SMC3: variants seen among roughly 807,000 people sequenced by gnomAD.
The protein encoded by SMC3 is structural maintenance of chromosomes 3.
A neutral mutation model predicts 171.8 loss-of-function variants in SMC3; 20 were observed. The observed-to-expected ratio is 0.12, with a 90% CI of 0.08 to 0.17. The LOEUF (loss-of-function observed/expected upper bound fraction) is 0.17. SMC3 is among the 10% of genes least tolerant of loss of function. The pLI is 1.00. For synonymous variants in SMC3, 464 were observed against 451.1 expected, an observed-to-expected ratio of 1.03 and a Z score of -0.36; for missense variants, 543 against 1,420.4, an observed-to-expected ratio of 0.38 and a Z score of 9.93.
intron 13 of SMC3, among the ~76,000 whole-genome samples, chr10:110,585,928 G>A (rs1185461143): frequency 6.6e-6 from 1 of 152,016 alleles, no homozygotes; most frequent in African/African-American, 2.4e-5. Flanking sequence ...CTCCCAAGTA[G>A]CTGGGACCAC....
chr10:110,593,529 G>A (rs1436132584), intron 18 of SMC3, among the ~76,000 whole-genome samples: 1 of 150,724 alleles, frequency 6.6e-6, no homozygotes, highest in Non-Finnish European at 1.5e-5. Flanking sequence ...CCGAGATCAC[G>A]CCACTGCACT....
intron 18 of SMC3, among the ~76,000 whole-genome samples, chr10:110,593,580 A>G (rs376244574): frequency 2.6e-5 from 4 of 150,966 alleles, no homozygotes; most frequent in South Asian, 2.1e-4. Context: ...TCAAAAAACA[A>G]AGAGACATAT....
intron 20 of SMC3, 148 bp from the exon 21 acceptor site, chr10:110,599,504 TAG>T (rs1325477575): frequency 6.3e-6 from 4 of 635,512 alleles, no homozygotes; most frequent in Admixed American, 6.0e-5. Flanking sequence ...TTCTTGTTGC[TAG>T]AGTCCTAATT....
At chr10:110,578,239 A>G (rs1303601872) in intron 6 of SMC3, among the ~76,000 whole-genome samples, 1 of 151,870 alleles carries the variant, frequency 6.6e-6, no homozygotes, top group African/African-American at 2.4e-5. Context: ...ACACCCGGCT[A>G]CTTTTTGTAT....
chr10:110,584,533 G>T (rs745463076), intron 13 of SMC3, 137 bp downstream of exon 13: 2 of 649,748 alleles, frequency 3.1e-6, no homozygotes, highest in Non-Finnish European at 5.4e-6. Flanking sequence ...ATTTAGAAAA[G>T]GCCTGCACAG....
intron 18 of SMC3, among the ~76,000 whole-genome samples, chr10:110,593,473 G>A (rs562931399): frequency 1.3e-5 from 2 of 152,106 alleles, no homozygotes; most frequent in African/African-American, 4.8e-5. Flanking sequence ...TCAGGAGGCT[G>A]GGGCAGGAGA....
intron 22 of SMC3, among the ~76,000 whole-genome samples, 186 bp from the exon 23 acceptor site, chr10:110,600,836 T>A (rs555577485): frequency 6.6e-6 from 1 of 152,236 alleles, no homozygotes; most frequent in Non-Finnish European, 1.5e-5. Context: ...GGTGGTTAGA[T>A]GCTTAGAAAT....
chr10:110,568,857 G>A (rs1241065668), intron 1 of SMC3, 81 bp from the exon 2 acceptor site: 1 of 837,770 alleles, frequency 1.2e-6, no homozygotes, highest in Admixed American at 1.9e-5. Flanking sequence ...TGCATTAAAT[G>A]AAAAACAAGA....
At chr10:110,598,423 AAGAC>A in intron 20 of SMC3, 133 bp downstream of exon 20, 1 of 877,424 alleles carries the variant, frequency 1.1e-6, no homozygotes, top group East Asian at 2.9e-5. Flanking sequence ...TTTTTTTTTG[AAGAC>A]AGAGTCTCTT....
chr10:110,586,901 C>T (rs570179756), intron 13 of SMC3, among the ~76,000 whole-genome samples: 1 of 152,264 alleles, frequency 6.6e-6, no homozygotes, highest in Admixed American at 6.5e-5. Flanking sequence ...AGGTGATCCG[C>T]CCACCTGAGC....
chr10:110,589,499 C>T, intron 13 of SMC3, 106 bp from the exon 14 acceptor site: 1 of 727,952 alleles, frequency 1.4e-6, no homozygotes, highest in South Asian at 1.6e-5. Flanking sequence ...ATTCCTCCCT[C>T]ACCTTTTGTC....
chr10:110,574,405 A>G (rs978793493), intron 3 of SMC3, among the ~76,000 whole-genome samples: 7 of 152,242 alleles, frequency 4.6e-5, no homozygotes, highest in African/African-American at 1.7e-4. Context: ...GTAGGTTGAA[A>G]AATTTGAACT....
chr10:110,572,481 T>G (rs570701084), intron 2 of SMC3, among the ~76,000 whole-genome samples: 1 of 152,310 alleles, frequency 6.6e-6, no homozygotes, highest in East Asian at 1.9e-4. Context: ...TTTATAACAT[T>G]GTTATTTTTG....
At chr10:110,586,059 G>A (rs991299552) in intron 13 of SMC3, among the ~76,000 whole-genome samples, 3 of 152,164 alleles carry the variant, frequency 2.0e-5, no homozygotes, top group Non-Finnish European at 2.9e-5. Context: ...GCCTCCCAAA[G>A]TGCTGGGATT....
At chr10:110,601,559 G>A in intron 23 of SMC3, 78 bp from the exon 24 acceptor site, 1 of 1,459,736 alleles carries the variant, frequency 6.9e-7, no homozygotes, top group South Asian at 1.2e-5. Flanking sequence ...TGGTAGGTTT[G>A]ATCATAAAAA....
At chr10:110,579,937 C>T (rs1861007637) in intron 7 of SMC3, among the ~76,000 whole-genome samples, 2 of 152,120 alleles carry the variant, frequency 1.3e-5, no homozygotes, top group Admixed American at 1.3e-4. Context: ...GTACCATTCT[C>T]TCTATATTTA....
chr10:110,585,667 T>A (rs1051957428), intron 13 of SMC3, among the ~76,000 whole-genome samples: 4 of 151,908 alleles, frequency 2.6e-5, no homozygotes, highest in Non-Finnish European at 5.9e-5. Flanking sequence ...TTCTTTTATC[T>A]GCTTTAATCT....
intron 14 of SMC3, 67 bp downstream of exon 14, chr10:110,589,775 T>TG (rs1861178918): frequency 7.0e-7 from 1 of 1,431,614 alleles, no homozygotes; most frequent in Non-Finnish European, 9.8e-7. Context: ...TATGTGGTCT[T>TG]TAAGTTACAA....
At chr10:110,572,822 C>T (rs1860891172) in intron 2 of SMC3, among the ~76,000 whole-genome samples, 1 of 152,100 alleles carries the variant, frequency 6.6e-6, no homozygotes, top group Non-Finnish European at 1.5e-5. Flanking sequence ...TAATTCTCCT[C>T]CTTCCTTACC....
Sources: gnomAD v4.1 joint callset for allele counts (sites outside exome capture counted in the v4.1 genomes callset) on GRCh38, gnomAD v4.1.1 for gene constraint, MANE v1.5 for transcripts, NCBI Gene and HGNC (gene_info 2026-07-23, HGNC 2026-07-21) for gene names.